MYO5B: variants seen among roughly 807,000 people sequenced by gnomAD.
The protein encoded by MYO5B is unconventional myosin-Vb.
In MYO5B, 143 loss-of-function variants were observed where a neutral mutation model predicts 229.3. That is an observed-to-expected ratio of 0.62 (90% CI 0.54 to 0.72). MYO5B has a LOEUF of 0.72. MYO5B is among the 30% of genes least tolerant of loss of function. MYO5B has a pLI of 0.00. For synonymous variants in MYO5B, 918 were observed against 885.2 expected (o/e 1.04, Z -0.66); for missense variants, 2,321 against 2,331.0 (o/e 1.00, Z 0.09).
intron 17 of MYO5B, 63 bp from the exon 18 acceptor site, chr18:49,912,236 G>A (rs192714552): frequency 7.9e-7 from 1 of 1,259,948 alleles, no homozygotes; most frequent in African/African-American, 1.5e-5. Context: ...CAAAAGCCAG[G>A]CGTGACCTCA....
chr18:50,107,890 T>A lies in MYO5B; in HGVS notation c.28-52512A>T, dbSNP rs553633652. 2.2e-4 allele frequency among the ~76,000 whole-genome samples: 33 copies of A among 152,236 alleles called. No individual in the cohort carries two copies. In the South Asian group the frequency reaches 6.6e-3, roughly 31 times the overall value. On this transcript the variant is annotated intron_variant, in intron 1 of 39. Transcript: ENST00000285039. ...TCCCCAACTCCCATGTGACCCTCCC[T>A]CTAGAGCAAACCATTATCCTTTTTT...
chr18:49,950,247 A>G (rs1202415177), intron 14 of MYO5B, among the ~76,000 whole-genome samples: 1 of 152,170 alleles, frequency 6.6e-6, no homozygotes, highest in Admixed American at 6.5e-5. Context: ...GGTGGCAAAA[A>G]GGTCACTGGC....
intron 1 of MYO5B, among the ~76,000 whole-genome samples, chr18:50,119,342 T>C (rs2032020755): frequency 6.6e-6 from 1 of 152,240 alleles, no homozygotes; most frequent in African/African-American, 2.4e-5. Flanking sequence ...TTCAGCTTCC[T>C]ATTCTTGTAA....
intron 1 of MYO5B, among the ~76,000 whole-genome samples, chr18:50,089,104 G>C (rs945283752): frequency 6.6e-6 from 1 of 152,130 alleles, no homozygotes; most frequent in Non-Finnish European, 1.5e-5. Flanking sequence ...ACCTGGCCAG[G>C]CACAGTGGCT....
At chr18:50,057,295 C>CT (rs1257078275) in intron 1 of MYO5B, among the ~76,000 whole-genome samples, 1 of 152,232 alleles carries the variant, frequency 6.6e-6, no homozygotes, top group Non-Finnish European at 1.5e-5. Flanking sequence ...TCTCTTGTCA[C>CT]TGAGTTCCAC....
intron 1 of MYO5B, among the ~76,000 whole-genome samples, chr18:50,156,574 G>A (rs2032682415): frequency 6.6e-6 from 1 of 152,124 alleles, no homozygotes; most frequent in South Asian, 2.1e-4. Context: ...TGAACTGTGA[G>A]TCAATTAAAA....
intron 22 of MYO5B, 130 bp from the exon 23 acceptor site, chr18:49,880,585 CTTTT>C: frequency 1.3e-6 from 1 of 785,890 alleles, no homozygotes; most frequent in Non-Finnish European, 2.2e-6. Flanking sequence ...GTTAAAGCTT[CTTTT>C]GTTTTCAAGG....
At chr18:50,030,586 A>C (rs367792384) in intron 4 of MYO5B, among the ~76,000 whole-genome samples, 14 of 151,236 alleles carry the variant, frequency 9.3e-5, no homozygotes, top group Middle Eastern at 3.4e-3. Context: ...AGGACCACTA[A>C]CTAGAATCCC....
At chr18:50,034,011 G>T (rs1251035182) in intron 4 of MYO5B, among the ~76,000 whole-genome samples, 3 of 152,180 alleles carry the variant, frequency 2.0e-5, no homozygotes, top group African/African-American at 7.2e-5. Flanking sequence ...TCCTGTGTGA[G>T]CCACATCAAG....
chr18:50,105,236 TAAATAAATAAATA>T (rs1382494307), intron 1 of MYO5B, among the ~76,000 whole-genome samples: 25 of 145,992 alleles, frequency 1.7e-4, no homozygotes, highest in African/African-American at 5.1e-4. Context: ...AATAAATAAA[TAAATAAATAAATA>T]AAAAATAGAT....
chr18:49,966,225 T>C (rs1030124268), intron 10 of MYO5B, among the ~76,000 whole-genome samples: 5 of 152,076 alleles, frequency 3.3e-5, no homozygotes, highest in African/African-American at 1.2e-4. Flanking sequence ...AGGAAATCAT[T>C]TAGAGATTAA....
chr18:50,131,142 A>C (rs951734787), intron 1 of MYO5B, among the ~76,000 whole-genome samples: 1 of 152,242 alleles, frequency 6.6e-6, no homozygotes, highest in Non-Finnish European at 1.5e-5. Context: ...AAAAGCATTA[A>C]AGCCCTATAC....
intron 27 of MYO5B, 138 bp downstream of exon 27, chr18:49,872,029 T>C (rs2024461112): frequency 1.2e-6 from 1 of 829,374 alleles, no homozygotes; most frequent in East Asian, 2.4e-5. Flanking sequence ...AACTACAGCA[T>C]GGAAAAGGGA....
intron 17 of MYO5B, among the ~76,000 whole-genome samples, chr18:49,921,266 T>G (rs537653505): frequency 2.5e-4 from 38 of 150,348 alleles, no homozygotes; most frequent in African/African-American, 8.5e-4. Flanking sequence ...GTTTTTTTTT[T>G]TTTTTTTTTT....
chr18:50,042,869 G>A (rs2030062762), intron 2 of MYO5B, among the ~76,000 whole-genome samples: 1 of 152,118 alleles, frequency 6.6e-6, no homozygotes, highest in Admixed American at 6.6e-5. Flanking sequence ...CAGGACCTGA[G>A]TACTCCTCTT....
chr18:50,009,774 G>A (rs1462612110), intron 4 of MYO5B, among the ~76,000 whole-genome samples: 2 of 152,214 alleles, frequency 1.3e-5, no homozygotes, highest in African/African-American at 4.8e-5. Context: ...GAAGGGGCTG[G>A]GCCGGAATGT....
At chr18:50,121,945 C>T (rs2144532153) in intron 1 of MYO5B, among the ~76,000 whole-genome samples, 1 of 152,250 alleles carries the variant, frequency 6.6e-6, no homozygotes, top group Non-Finnish European at 1.5e-5. Flanking sequence ...GTGGACATCA[C>T]CCTTTGTTTC....
At chr18:49,990,239 T>C (rs2025914675) in intron 7 of MYO5B, among the ~76,000 whole-genome samples, 200 bp downstream of exon 7, 1 of 152,194 alleles carries the variant, frequency 6.6e-6, no homozygotes, top group South Asian at 2.1e-4. Context: ...ATACACTTCC[T>C]GTGCCAGGTG....
intron 1 of MYO5B, among the ~76,000 whole-genome samples, chr18:50,093,539 G>A (rs1206998258): frequency 6.6e-6 from 1 of 152,144 alleles, no homozygotes; most frequent in African/African-American, 2.4e-5. Context: ...AAGAGGGGCT[G>A]GGTAAAATGA....
Sources: gnomAD v4.1 joint callset for allele counts (sites outside exome capture counted in the v4.1 genomes callset) on GRCh38, gnomAD v4.1.1 for gene constraint, MANE v1.5 for transcripts, NCBI Gene and HGNC (gene_info 2026-07-23, HGNC 2026-07-21) for gene names.